TEKT1: variants seen among roughly 807,000 people sequenced by gnomAD.
TEKT1 encodes tektin 1.
TEKT1 carries 32 observed loss-of-function variants against 34.8 expected under a neutral mutation model. That is an observed-to-expected ratio of 0.92 (90% CI 0.69 to 1.23). The LOEUF (loss-of-function observed/expected upper bound fraction) is 1.23. Ranked by LOEUF, TEKT1 falls within the 50% of genes most tolerant of loss-of-function variation. TEKT1 has a pLI of 0.00. For synonymous variants in TEKT1, 207 were observed against 199.8 expected (o/e 1.04, Z -0.30); for missense variants, 492 against 518.5 (o/e 0.95, Z 0.50).
chr17:6,825,451 C>A (rs887071630), intron 2 of TEKT1, among the ~76,000 whole-genome samples: 1 of 152,188 alleles, frequency 6.6e-6, no homozygotes, highest in African/African-American at 2.4e-5. Context: ...GTGTCTATAT[C>A]ATCAGCACCA....
intron 3 of TEKT1, 29 bp from the exon 4 acceptor site, chr17:6,815,991 C>G (rs1295602926): frequency 6.2e-7 from 1 of 1,611,740 alleles, no homozygotes; most frequent in African/African-American, 1.3e-5. Context: ...GCCAGTCAGC[C>G]AACACGTGCA....
intron 2 of TEKT1, among the ~76,000 whole-genome samples, chr17:6,821,865 A>G (rs540867214): frequency 6.7e-6 from 1 of 149,276 alleles, no homozygotes; most frequent in Admixed American, 6.6e-5. Flanking sequence ...CCCCTGCCCT[A>G]GAGATCTGTG....
At chr17:6,830,439 C>CT in intron 1 of TEKT1, 46 bp from the exon 2 acceptor site, 1 of 1,286,556 alleles carries the variant, frequency 7.8e-7, no homozygotes, top group Non-Finnish European at 1.1e-6. Context: ...GCAATTTGTC[C>CT]TTTTTTATGA....
chr17:6,819,099 G>C (rs938318665), intron 3 of TEKT1, 94 bp downstream of exon 3: 1 of 1,446,298 alleles, frequency 6.9e-7, no homozygotes, highest in Non-Finnish European at 9.4e-7. Context: ...CTCAAGTGCT[G>C]TGTTCTAACT....
intron 6 of TEKT1, among the ~76,000 whole-genome samples, chr17:6,807,467 T>C (rs368220293): frequency 2.0e-5 from 3 of 152,232 alleles, no homozygotes; most frequent in East Asian, 3.8e-4. Context: ...TTCTCTCAAC[T>C]TGTCAAAGTC....
intron 6 of TEKT1, among the ~76,000 whole-genome samples, chr17:6,802,084 A>G (rs551104720): frequency 1.3e-5 from 2 of 152,354 alleles, no homozygotes; most frequent in African/African-American, 4.8e-5. Context: ...ACACCAAAAA[A>G]GAGACAAAAG....
At chr17:6,806,499 A>G (rs1025633850) in intron 6 of TEKT1, among the ~76,000 whole-genome samples, 4 of 152,078 alleles carry the variant, frequency 2.6e-5, no homozygotes, top group African/African-American at 9.7e-5. Context: ...TGTGAATTTG[A>G]TCCTGTCATT....
rs1976949913 is a variant in TEKT1, at chr17:6,813,008, C to T, written c.675G>A (p.Val225=). Residue 225 remains valine (V), a synonymous_variant, in exon 6 of 8, where the codon GTG becomes GTA. Coordinates refer to ENST00000338694, the MANE Select transcript of TEKT1 (RefSeq NM_053285.2). ...TGTTCCGCTGCTTGTCAGCCTTCTC[C>T]ACATTGGTGCTGGAGAAGTCCAACC... ...EDWLDFSSTN[V]EKADKQRNNS... 1.9e-6 allele frequency: 3 copies of T among 1,614,174 alleles called. No individual in the cohort carries two copies. Among genetic ancestry groups the T allele is most frequent in the Non-Finnish European group, 2.5e-6 (3 of 1,180,038 alleles).
At chr17:6,827,845 GC>G (rs1335565424) in intron 2 of TEKT1, among the ~76,000 whole-genome samples, 6 of 151,984 alleles carry the variant, frequency 3.9e-5, no homozygotes. Flanking sequence ...TGCTTTTAAT[GC>G]CTAATGGCTA....
chr17:6,808,148 A>G (rs905985711), intron 6 of TEKT1, among the ~76,000 whole-genome samples: 1 of 151,960 alleles, frequency 6.6e-6, no homozygotes, highest in African/African-American at 2.4e-5. Flanking sequence ...TTGTTTACCT[A>G]CTCAAGCCTC....
At position 6,819,247 on chromosome 17, in the gene TEKT1, G is replaced by A; in HGVS notation, c.302C>T (p.Ala101Val). 6.2e-7 allele frequency: 1 copy of A among 1,614,004 alleles called. No individual in the cohort carries two copies. Reference sequence around the variant, plus strand: ...CAAGGGCTCTTTCAAGGTCTCCAGGGCTTTTTCCAATCTGATCTTATATAT... The same window carrying A: ...CAAGGGCTCTTTCAAGGTCTCCAGGACTTTTTCCAATCTGATCTTATATAT... ...LLIYKIRLEK[A>V]LETLKEPLHI... Residue 101 changes from alanine (A) to valine (V), a missense_variant, in exon 3 of 8, where the codon GCC (alanine) becomes GTC (valine). Coordinates refer to ENST00000338694, the MANE Select transcript of TEKT1 (RefSeq NM_053285.2).
intron 6 of TEKT1, among the ~76,000 whole-genome samples, chr17:6,805,662 T>C (rs1374390409): frequency 2.0e-5 from 3 of 152,228 alleles, no homozygotes; most frequent in Non-Finnish European, 4.4e-5. Flanking sequence ...TTCTGGTATG[T>C]TGTGTCTTTG....
In TEKT1 at chr17:6,800,039, A is replaced by G; in HGVS notation, c.1245T>C (p.Asp415=). Residue 415 remains aspartate (D), a synonymous_variant, in exon 8 of 8, where the codon GAT becomes GAC. Transcript: ENST00000338694. The stretch of plus-strand genomic sequence containing the variant: ...ACTAGCCCTACTATTAGCAGACAGC[A>G]TCAGGGCGGAGGCCCCCAGCCCAGA... ...HGVWAGGLRP[D]AVC The G allele has an allele frequency of 6.2e-7, 1 of 1,608,182 alleles. No homozygotes were observed. The highest frequency in any genetic ancestry group is 1.1e-5 in the South Asian group (1 of 90,942).
chr17:6,808,514 G>T (rs1487057612), intron 6 of TEKT1, among the ~76,000 whole-genome samples: 3 of 152,136 alleles, frequency 2.0e-5, no homozygotes, highest in Non-Finnish European at 4.4e-5. Context: ...GATGAACCTG[G>T]TACCTCAGTT....
chr17:6,816,049 C>A, intron 3 of TEKT1, 87 bp from the exon 4 acceptor site: 1 of 1,540,814 alleles, frequency 6.5e-7, no homozygotes, highest in South Asian at 1.2e-5. Flanking sequence ...TCAGAACTAT[C>A]TGCACGACTG....
At chr17:6,814,636 A>T (rs1034473337) in intron 5 of TEKT1, among the ~76,000 whole-genome samples, 1 of 152,274 alleles carries the variant, frequency 6.6e-6, no homozygotes, top group South Asian at 2.1e-4. Context: ...CAGGAGATTG[A>T]GACCATCCTG....
At chr17:6,818,833 C>T (rs1228591856) in intron 3 of TEKT1, among the ~76,000 whole-genome samples, 1 of 152,192 alleles carries the variant, frequency 6.6e-6, no homozygotes, top group Non-Finnish European at 1.5e-5. Flanking sequence ...GCCTGGAACC[C>T]TAAAACTGTG....
At chr17:6,818,597 C>A (rs1018562592) in intron 3 of TEKT1, among the ~76,000 whole-genome samples, 1 of 152,150 alleles carries the variant, frequency 6.6e-6, no homozygotes, top group Admixed American at 6.5e-5. Context: ...TTTGGCTGAG[C>A]ACCTGGCTGC....
At chr17:6,818,022 G>C (rs1034014134) in intron 3 of TEKT1, among the ~76,000 whole-genome samples, 7 of 152,166 alleles carry the variant, frequency 4.6e-5, no homozygotes, top group Admixed American at 6.5e-5. Context: ...TCCTGTTTAA[G>C]CTTATGGAAG....
Sources: gnomAD v4.1 joint callset for allele counts (sites outside exome capture counted in the v4.1 genomes callset) on GRCh38, gnomAD v4.1.1 for gene constraint, MANE v1.5 for transcripts, NCBI Gene and HGNC (gene_info 2026-07-23, HGNC 2026-07-21) for gene names.